The following LGALS8 variants were observed in gnomAD, a reference collection of about 807,000 sequenced individuals.
The protein encoded by LGALS8 is galectin 8.
A neutral mutation model predicts 35.9 loss-of-function variants in LGALS8; 30 were observed. The observed-to-expected ratio is 0.83, with a 90% CI of 0.62 to 1.13. The LOEUF is 1.13. Ranked by LOEUF, LGALS8 falls within the 50% of genes most tolerant of loss-of-function variation. LGALS8 has a pLI of 0.00. For synonymous variants in LGALS8, 138 were observed against 136.1 expected (o/e 1.01, Z -0.10); for missense variants, 366 against 388.7 (o/e 0.94, Z 0.49).
chr1:236,544,750 C>A lies in LGALS8; in HGVS notation c.639C>A (p.Ser213Arg). ...TTTTTTTTTCTTTCTTTCTCAAAAG[C>A]TTTAATGTTGACCTACTAGCAGGAA... ...VKGEVNANAKSFNVDLLAGKS... is the reference protein window; with the variant it reads ...VKGEVNANAKRFNVDLLAGKS... The change falls in exon 9 of 10, where the codon AGC becomes AGA. Residue 213 changes from serine (S) to arginine (R), a missense_variant and splice_region_variant. Physicochemically the swap from Ser to Arg is moderately radical, Grantham distance 110 (BLOSUM62 -1). Coordinates refer to ENST00000366584, the MANE Select transcript of LGALS8 (RefSeq NM_201544.4). The A allele has an allele frequency of 6.3e-7, 1 of 1,585,436 alleles. No individual in the cohort carries two copies.
chr1:236,538,856 C>A (rs768098796), intron 3 of LGALS8, 23 bp from the exon 4 acceptor site: 9 of 1,582,100 alleles, frequency 5.7e-6, no homozygotes, highest in Admixed American at 1.7e-5. Context: ...ACTCATGGGG[C>A]CCCTGTGTCT....
Position 236,525,954 on chromosome 1 carries a change from T to A in LGALS8, c.-103-14T>A. Reference sequence around the variant, plus strand: ...ATGCTTACTTTTCTTTTCCTCTATTTTTACTTTACACAGGGCCAGTGCCTC... The same window carrying A: ...ATGCTTACTTTTCTTTTCCTCTATTATTACTTTACACAGGGCCAGTGCCTC... On this transcript the variant is annotated splice_polypyrimidine_tract_variant and intron_variant, in intron 1 of 9. Coordinates refer to ENST00000366584, the MANE Select transcript of LGALS8 (RefSeq NM_201544.4). 1 of 626,940 alleles carries A rather than the reference T, an allele frequency of 1.6e-6. No homozygotes were observed. Among genetic ancestry groups the A allele is most frequent in the Non-Finnish European group, 2.8e-6 (1 of 359,632 alleles). 38.8% of individuals were successfully genotyped at this position (626,940 alleles called of 1,614,324 possible).
At position 236,549,201 on chromosome 1, in the gene LGALS8, T is replaced by A; in HGVS notation, c.*1040T>A. On this transcript the variant is annotated 3_prime_UTR_variant, in exon 10 of 10. Coordinates refer to ENST00000366584, the MANE Select transcript of LGALS8 (RefSeq NM_201544.4). ...TCTTCTAAAGATTAGTCCATCATCA[T>A]TAGCAACTGAGATCAAAGCACTCTT... is the stretch of plus-strand genomic sequence containing the variant. 5.1e-6 allele frequency: 2 copies of A among 389,238 alleles called. No individual in the cohort carries two copies. The highest frequency in any genetic ancestry group is 9.1e-6 in the Non-Finnish European group (2 of 220,510). 24.1% of individuals were successfully genotyped at this position (389,238 alleles called of 1,614,324 possible).
At chr1:236,524,943 G>C (rs887249172) in intron 1 of LGALS8, among the ~76,000 whole-genome samples, 1 of 152,170 alleles carries the variant, frequency 6.6e-6, no homozygotes, top group Admixed American at 6.5e-5. Context: ...TTGGTGTGCA[G>C]TATAATGACA....
upstream of LGALS8, among the ~76,000 whole-genome samples, chr1:236,519,878 C>G (rs577084796): frequency 3.0e-4 from 45 of 150,506 alleles, no homozygotes; most frequent in Middle Eastern, 3.5e-3. Flanking sequence ...TTTTAGTGGA[C>G]TATAAGCAGC....
At chr1:236,534,195 G>T (rs1661322407) in intron 2 of LGALS8, among the ~76,000 whole-genome samples, 1 of 152,154 alleles carries the variant, frequency 6.6e-6, no homozygotes, top group South Asian at 2.1e-4. Flanking sequence ...GGGATTTTCA[G>T]ATATGGAAAG....
At position 236,532,446 on chromosome 1, in the gene LGALS8, G is replaced by A. The variant is rs569087813; in HGVS notation, c.46-5051G>A. 2.9e-4 allele frequency among the ~76,000 whole-genome samples: 44 copies of A among 152,248 alleles called. 1 individual carries two copies. In the South Asian group the frequency reaches 7.9e-3, roughly 27 times the overall value. ...TGTGTGCTCTGGCCATTCACCTAGCGTGTGGTTCTGAGTCTCCAAGTCTTA... is the reference window on the plus strand; with the variant it reads ...TGTGTGCTCTGGCCATTCACCTAGCATGTGGTTCTGAGTCTCCAAGTCTTA... On this transcript the variant is annotated intron_variant, in intron 2 of 9. Coordinates refer to ENST00000366584, the MANE Select transcript of LGALS8 (RefSeq NM_201544.4).
At chr1:236,536,831 T>C (rs1661538666) in intron 2 of LGALS8, 1 of 151,806 alleles carries the variant, frequency 6.6e-6, no homozygotes, top group African/African-American at 2.4e-5. Context: ...AAGGAATGAG[T>C]AGACATGGCA....
chr1:236,539,043 A>G lies in LGALS8; in HGVS notation c.299A>G (p.Glu100Gly). The stretch of plus-strand genomic sequence containing the variant: ...ACCTATGACACGCCTTTCAAAAGAG[A>G]AAAGTCTTTTGAGATCGTGATTATG... ...EITYDTPFKR[E>G]KSFEIVIMVL... is the part of the protein sequence containing the mutation. The change falls in exon 4 of 10, where the codon GAA (glutamate) becomes GGA (glycine). Residue 100 changes from glutamate to glycine, a missense_variant. Transcript: ENST00000366584. 1 of 1,614,138 alleles carries G rather than the reference A, an allele frequency of 6.2e-7. No individual in the cohort carries two copies. Among genetic ancestry groups the G allele is most frequent in the Non-Finnish European group, 8.5e-7 (1 of 1,180,002 alleles).
At chr1:236,538,652 T>C (rs1273790650) in intron 3 of LGALS8, among the ~76,000 whole-genome samples, 2 of 152,184 alleles carry the variant, frequency 1.3e-5, no homozygotes, top group African/African-American at 4.8e-5. Context: ...CTGGGAAAGG[T>C]AGGTTTTTAT....
chr1:236,552,871 A>T lies in LGALS8; in HGVS notation c.*4710A>T, dbSNP rs1662816503. The T allele has an allele frequency of 6.6e-6, 1 of 152,352 alleles. No individual in the cohort carries two copies. Among genetic ancestry groups the T allele is most frequent in the South Asian group, 2.1e-4 (1 of 4,832 alleles). The allele number at this position is 152,352 out of a possible 1,614,324, so 9.4% of individuals were successfully genotyped here. ...AGTAAAATATTACAATAAATTTGAT[A>T]CTGCTACTTGTATAAAAACCTATGG... On this transcript the variant is annotated 3_prime_UTR_variant, in exon 10 of 10. Transcript: ENST00000366584.
chr1:236,548,970 C>T lies in LGALS8; in HGVS notation c.*809C>T, dbSNP rs541594301. On this transcript the variant is annotated 3_prime_UTR_variant, in exon 10 of 10. Coordinates refer to ENST00000366584, the MANE Select transcript of LGALS8 (RefSeq NM_201544.4). ...TAGGGCAAATCAGAGTCTACACAGA[C>T]GCCTACAGAAAGTTTCAGGAAGAGG... 3.0e-5 allele frequency: 12 copies of T among 398,580 alleles called. No homozygotes were observed. The highest frequency in any genetic ancestry group is 6.2e-5 in the African/African-American group (3 of 48,732). 24.7% of individuals were successfully genotyped at this position (398,580 alleles called of 1,614,324 possible).
upstream of LGALS8, among the ~76,000 whole-genome samples, chr1:236,522,277 T>C (rs972194094): frequency 1.3e-5 from 2 of 152,200 alleles, no homozygotes; most frequent in Non-Finnish European, 2.9e-5. Flanking sequence ...TGTGTACTTA[T>C]TTCAACTTAT....
In LGALS8 at chr1:236,538,698, C is replaced by A. The variant is rs896558455; in HGVS notation, c.135-181C>A. 3.3e-5 allele frequency among the ~76,000 whole-genome samples: 5 copies of A among 152,166 alleles called. No individual in the cohort carries two copies. The South Asian group carries it at 1.0e-3, about 32-fold the overall frequency. On this transcript the variant is annotated intron_variant, in intron 3 of 9. Transcript: ENST00000366584. ...TTCAGACCCAGTTCAAACTCAGGGG[C>A]TATTTTACTGAGGAAGACAGAAAAG...
intron 2 of LGALS8, among the ~76,000 whole-genome samples, chr1:236,536,931 T>C (rs1661548310): frequency 1.3e-5 from 2 of 151,834 alleles, no homozygotes; most frequent in African/African-American, 4.8e-5. Context: ...TACAAAATAC[T>C]ATGAATAGTA....
chr1:236,537,047 T>C (rs1472084082), intron 2 of LGALS8, among the ~76,000 whole-genome samples: 3 of 115,660 alleles, frequency 2.6e-5, no homozygotes, highest in Non-Finnish European at 2.0e-5. Context: ...GACGGAGCCT[T>C]GCTCTGTCGC....
intron 9 of LGALS8, among the ~76,000 whole-genome samples, chr1:236,546,585 CTGT>C (rs1662377953): frequency 6.6e-6 from 1 of 152,196 alleles, no homozygotes; most frequent in South Asian, 2.1e-4. Context: ...GTGAGGGATT[CTGT>C]TGTTCTGTTT....
upstream of LGALS8, among the ~76,000 whole-genome samples, chr1:236,518,950 CG>C (rs1053581988): frequency 6.6e-6 from 1 of 152,070 alleles, no homozygotes; most frequent in African/African-American, 2.4e-5. Flanking sequence ...CGGTTCACAT[CG>C]ATAGAATATG....
rs1410208844 is a variant in LGALS8, at chr1:236,550,923, C to T, written c.*2762C>T. On this transcript the variant is annotated 3_prime_UTR_variant, in exon 10 of 10. Transcript: ENST00000366584. ...AGTCTTAGAAATAGCTCTGGAGTGG[C>T]TCTCCCAGGACAGTTTCCAGTTGCT... 1.2e-6 allele frequency: 2 copies of T among 1,609,388 alleles called. No homozygotes were observed. Among genetic ancestry groups the T allele is most frequent in the Non-Finnish European group, 1.7e-6 (2 of 1,178,520 alleles).
Sources: gnomAD v4.1 joint callset for allele counts (sites outside exome capture counted in the v4.1 genomes callset) on GRCh38, gnomAD v4.1.1 for gene constraint, MANE v1.5 for transcripts, NCBI Gene and HGNC (gene_info 2026-07-23, HGNC 2026-07-21) for gene names.